Variants in EPB41L2 observed in about 807,000 individuals in gnomAD.
The protein encoded by EPB41L2 is band 4.1-like protein 2.
Under a neutral mutation model 113.0 loss-of-function variants are expected in EPB41L2, and 43 were observed. That is an observed-to-expected ratio of 0.38 (90% CI 0.30 to 0.49). EPB41L2 has a LOEUF of 0.49. EPB41L2 is among the 20% of genes least tolerant of loss of function. The probability of loss-of-function intolerance (pLI) is 0.95; values close to 1 mark genes in which losing one functional copy is unlikely to be tolerated. For missense variants in EPB41L2, 1,147 were observed against 1,223.4 expected (o/e 0.94, Z 0.93); for synonymous variants, 442 against 436.7 (o/e 1.01, Z -0.15).
chr6:130,908,869 T>G lies in EPB41L2; in HGVS notation c.811-6A>C, dbSNP rs753321311. 29 of 1,598,366 alleles carry G rather than the reference T, an allele frequency of 1.8e-5. No homozygotes were observed. Among genetic ancestry groups the G allele is most frequent in the Non-Finnish European group, 2.4e-5 (28 of 1,169,540 alleles). ...TTAGCAGGATCTAACCAGTTCTGCA[T>G]GAGGGAAAAAAATTAATTCATAAGA... On this transcript the variant is annotated splice_region_variant and splice_polypyrimidine_tract_variant and intron_variant, in intron 4 of 19. Coordinates refer to ENST00000337057, the MANE Select transcript of EPB41L2 (RefSeq NM_001431.4).
chr6:130,903,303 C>T (rs1320718797), intron 6 of EPB41L2, among the ~76,000 whole-genome samples: 2 of 151,484 alleles, frequency 1.3e-5, no homozygotes, highest in Admixed American at 1.3e-4. Flanking sequence ...AAGTAGCTCA[C>T]TGTGCAGTTA....
intron 4 of EPB41L2, among the ~76,000 whole-genome samples, chr6:130,917,435 G>T (rs559802532): frequency 6.6e-6 from 1 of 152,226 alleles, no homozygotes; most frequent in Admixed American, 6.5e-5. Flanking sequence ...CTTGATATCT[G>T]ATGGGGTTCC....
chr6:131,036,611 A>T (rs1793365366), intron 1 of EPB41L2, among the ~76,000 whole-genome samples: 1 of 152,200 alleles, frequency 6.6e-6, no homozygotes. Context: ...GCATTAGCTT[A>T]GAAAAGTCCC....
At chr6:130,915,029 C>T (rs1228807313) in intron 4 of EPB41L2, among the ~76,000 whole-genome samples, 4 of 152,140 alleles carry the variant, frequency 2.6e-5, no homozygotes, top group South Asian at 2.1e-4. Flanking sequence ...ACCGGCCGGG[C>T]GCGGTGGCTC....
At chr6:130,940,166 T>C (rs1263945859) in intron 3 of EPB41L2, among the ~76,000 whole-genome samples, 1 of 152,210 alleles carries the variant, frequency 6.6e-6, no homozygotes, top group Non-Finnish European at 1.5e-5. Context: ...GCTTAATTTA[T>C]TTAAACCCCA....
chr6:130,961,108 T>G (rs1176727304), intron 1 of EPB41L2, among the ~76,000 whole-genome samples: 1 of 152,216 alleles, frequency 6.6e-6, no homozygotes, highest in Admixed American at 6.5e-5. Flanking sequence ...AACTAAGGTT[T>G]CCCAAACTCT....
rs1338284791 is a variant in EPB41L2 at position 130,956,477 on chromosome 6, A to G, written c.9T>C (p.Thr3=). ...TCACTTCAGACACAGAGCCTACTTC[A>G]GTAGTCATGGCCACAGCTTATGCTG... MT[T]EVGSVSEVKK... The change falls in exon 2 of 20, where the codon ACT becomes ACC. Residue 3 remains threonine (T), a synonymous_variant. Transcript: ENST00000337057. 2 of 1,612,182 alleles carry G rather than the reference A, an allele frequency of 1.2e-6. No homozygotes were observed. The highest frequency in any genetic ancestry group is 2.7e-5 in the African/African-American group (2 of 74,800).
intron 5 of EPB41L2, among the ~76,000 whole-genome samples, chr6:130,905,830 T>C (rs992800873): frequency 6.6e-6 from 1 of 152,334 alleles, no homozygotes. Context: ...ATTTTGTCCT[T>C]TGTCTTACCA....
chr6:130,990,081 G>A (rs1393504300), intron 1 of EPB41L2, among the ~76,000 whole-genome samples: 3 of 152,204 alleles, frequency 2.0e-5, no homozygotes, highest in Admixed American at 6.5e-5. Context: ...TGCACTTTGG[G>A]AGGCCAAGGC....
At chr6:131,044,214 T>C (rs1794995852) in intron 1 of EPB41L2, among the ~76,000 whole-genome samples, 1 of 151,734 alleles carries the variant, frequency 6.6e-6, no homozygotes, top group Non-Finnish European at 1.5e-5. Flanking sequence ...TTTGTAGAGA[T>C]GGAGTTTCAC....
Position 131,045,942 on chromosome 6 carries a change from TTC to T in EPB41L2, c.-15+17211_-15+17212del, listed in dbSNP as rs774326137. ...CCAAGATCTACGCCTATATTTTTCT[TTC>T]TCTCTTTTTTTTTTTTTTTTGAGAT... On this transcript the variant is annotated intron_variant, in intron 1 of 19. Transcript: ENST00000337057. Among the ~76,000 whole-genome samples the T allele has an allele frequency of 1.0e-4, 14 of 138,662 alleles. No individual in the cohort carries two copies. In the East Asian group the frequency reaches 3.5e-3, roughly 35 times the overall value. The allele number at this position is 138,662 out of a possible 152,430, so 91.0% of individuals were successfully genotyped here.
chr6:130,892,224 G>C (rs1209431113), intron 10 of EPB41L2, among the ~76,000 whole-genome samples: 1 of 151,914 alleles, frequency 6.6e-6, no homozygotes, highest in Non-Finnish European at 1.5e-5. Context: ...CAGGAAGCCC[G>C]GTCCCCATCT....
rs564752820 is a variant in EPB41L2, at chr6:130,863,679, G to A, written c.2869C>T (p.Arg957Cys). The part of the protein sequence containing the change: ...GGISETRIEK[R>C]IVITGDGDID... Reference sequence around the variant, plus strand: ...TCTCCATCTCCTGTGATCACAATGCGTTTCTCAATTCTTGTTTCAGAAATT... The same window carrying A: ...TCTCCATCTCCTGTGATCACAATGCATTTCTCAATTCTTGTTTCAGAAATT... The change falls in exon 18 of 20, where the codon CGC becomes TGC. Residue 957 changes from arginine (R) to cysteine (C), a missense_variant. By Grantham distance (180) the Arg-to-Cys change is radical. Transcript: ENST00000337057. 28 of 1,613,496 alleles carry A rather than the reference G, an allele frequency of 1.7e-5. No homozygotes were observed. Among genetic ancestry groups the A allele is most frequent in the South Asian group, 1.1e-4 (10 of 91,040 alleles).
Position 130,983,652 on chromosome 6 carries a change from C to A in EPB41L2, c.-14-27153G>T, listed in dbSNP as rs965509701. 2.0e-5 allele frequency among the ~76,000 whole-genome samples: 3 copies of A among 152,096 alleles called. No homozygotes were observed. In the East Asian group the frequency reaches 5.8e-4, roughly 30 times the overall value. ...CCAGTGATCCTCCCACCTCAGCCTC[C>A]CAAGTAGCTGGGACTACAGGCACAC... On this transcript the variant is annotated intron_variant, in intron 1 of 19. Coordinates refer to ENST00000337057, the MANE Select transcript of EPB41L2 (RefSeq NM_001431.4).
In EPB41L2 at chr6:131,021,430, A is replaced by AC. The variant is rs1789454762; in HGVS notation, c.-15+41724dup. ...AATCAGGGAAGCAAGCAAGGTATAC[A>AC]CCCCAAAATATGGCAACTTTTTCAA... On this transcript the variant is annotated intron_variant, in intron 1 of 19. Transcript: ENST00000337057. Among the ~76,000 whole-genome samples, 4 of 152,282 alleles carry AC rather than the reference A, an allele frequency of 2.6e-5. No homozygotes were observed. The South Asian group carries it at 8.3e-4, about 32-fold the overall frequency.
intron 3 of EPB41L2, among the ~76,000 whole-genome samples, chr6:130,945,821 T>C (rs1812615477): frequency 6.6e-6 from 1 of 152,102 alleles, no homozygotes; most frequent in Non-Finnish European, 1.5e-5. Context: ...CCTTATTGTT[T>C]TTTTCCCCCG....
At chr6:130,974,020 T>G (rs1777531217) in intron 1 of EPB41L2, among the ~76,000 whole-genome samples, 2 of 152,200 alleles carry the variant, frequency 1.3e-5, no homozygotes, top group South Asian at 4.1e-4. Flanking sequence ...TTAACACCCC[T>G]GTGTCTCCTG....
At chr6:130,923,981 T>TC (rs1433103472) in intron 4 of EPB41L2, among the ~76,000 whole-genome samples, 2 of 152,080 alleles carry the variant, frequency 1.3e-5, no homozygotes, top group East Asian at 3.9e-4. Context: ...ATTCCTCAAC[T>TC]CCCCCTCCCC....
chr6:130,957,290 T>C (rs1277251275), intron 1 of EPB41L2, among the ~76,000 whole-genome samples: 1 of 152,198 alleles, frequency 6.6e-6, no homozygotes, highest in Non-Finnish European at 1.5e-5. Flanking sequence ...TCATAACTAA[T>C]TAGAACAAAA....
Sources: allele counts gnomAD v4.1 joint callset (sites outside exome capture counted in the v4.1 genomes callset), GRCh38; gene constraint gnomAD v4.1.1; transcripts MANE v1.5; gene names NCBI Gene and HGNC (gene_info 2026-07-23, HGNC 2026-07-21).